Variants in MACROD2 observed in about 807,000 individuals in gnomAD.
MACROD2 encodes the protein mono-ADP ribosylhydrolase 2.
A neutral mutation model predicts 70.4 loss-of-function variants in MACROD2; 36 were observed. The observed-to-expected ratio is 0.51, with a 90% CI of 0.39 to 0.68. The LOEUF is 0.68. Ranked by LOEUF, MACROD2 falls within the 30% of genes least tolerant of loss-of-function variation. The pLI, the probability that MACROD2 is intolerant of heterozygous loss-of-function variation, is 0.00. For missense variants in MACROD2, 496 were observed against 538.4 expected (o/e 0.92, Z 0.78); for synonymous variants, 172 against 178.8 (o/e 0.96, Z 0.30).
At chr20:15,748,084 G>C (rs1376790957) in intron 8 of MACROD2, among the ~76,000 whole-genome samples, 2 of 151,950 alleles carry the variant, frequency 1.3e-5, no homozygotes, top group Admixed American at 1.3e-4. Context: ...TCTTTCTGCT[G>C]TCTGCCATGC....
chr20:14,486,059 C>T (rs1208161418), intron 3 of MACROD2, among the ~76,000 whole-genome samples: 1 of 152,040 alleles, frequency 6.6e-6, no homozygotes, highest in African/African-American at 2.4e-5. Context: ...CAGCGGGAAA[C>T]AGATGATGCA....
intron 5 of MACROD2, among the ~76,000 whole-genome samples, chr20:15,034,665 A>G (rs1371990918): frequency 6.6e-6 from 1 of 152,178 alleles, no homozygotes; most frequent in African/African-American, 2.4e-5. Flanking sequence ...TTTGCCCATG[A>G]TATATTTTGA....
rs148162399 is a variant in MACROD2 at position 14,123,775 on chromosome 20, C to T, written c.271+38047C>T. On this transcript the variant is annotated intron_variant, in intron 3 of 17. Coordinates refer to ENST00000684519, the MANE Select transcript of MACROD2 (RefSeq NM_001351661.2). ...TAGGCAAGGGAAGGAAGGGAGGAAT[C>T]AAGGAAGAATAGGAAATAGTGAAGA... Among the ~76,000 whole-genome samples the T allele has an allele frequency of 2.7e-3, 410 of 152,054 alleles. 2 individuals carry two copies. Among genetic ancestry groups the T allele is most frequent in the African/African-American group, 9.3e-3 (387 of 41,472 alleles).
chr20:15,061,529 C>T (rs1568554485), intron 5 of MACROD2, among the ~76,000 whole-genome samples: 1 of 152,154 alleles, frequency 6.6e-6, no homozygotes, highest in Non-Finnish European at 1.5e-5. Flanking sequence ...TTCCCACTCC[C>T]GTGCTGATAT....
At chr20:15,893,514 C>T (rs1384928905) in intron 10 of MACROD2, 3 of 359,382 alleles carry the variant, frequency 8.3e-6, no homozygotes, top group Non-Finnish European at 1.6e-5. Context: ...TGGGCAGGTC[C>T]CACTGGACTC....
chr20:15,688,690 C>T (rs941959552), intron 8 of MACROD2, among the ~76,000 whole-genome samples: 4 of 152,066 alleles, frequency 2.6e-5, no homozygotes, highest in Non-Finnish European at 4.4e-5. Context: ...ATACAATGTG[C>T]GTGAACTTTC....
intron 5 of MACROD2, among the ~76,000 whole-genome samples, chr20:14,771,644 T>TAC (rs745602537): frequency 0.06 from 8,463 of 141,500 alleles, 378 homozygotes; most frequent in Admixed American, 0.15. Context: ...TATCCAAAAA[T>TAC]ACACACACAC....
At chr20:15,699,285 C>G (rs906044068) in intron 8 of MACROD2, among the ~76,000 whole-genome samples, 2 of 152,124 alleles carry the variant, frequency 1.3e-5, no homozygotes, top group African/African-American at 4.8e-5. Context: ...TGATGTAGTA[C>G]TCTCCCTCTC....
intron 5 of MACROD2, among the ~76,000 whole-genome samples, chr20:15,218,954 G>A (rs964896329): frequency 3.3e-5 from 5 of 152,058 alleles, no homozygotes; most frequent in African/African-American, 1.2e-4. Flanking sequence ...GCTGAGGCAG[G>A]AGAATGGCAT....
chr20:15,982,301 A>C (rs1351974153), intron 13 of MACROD2, among the ~76,000 whole-genome samples: 3 of 152,164 alleles, frequency 2.0e-5, no homozygotes, highest in African/African-American at 7.2e-5. Flanking sequence ...AATAACTATA[A>C]AATAATAGGA....
At chr20:14,062,654 T>G (rs2148656551) in intron 2 of MACROD2, among the ~76,000 whole-genome samples, 1 of 152,260 alleles carries the variant, frequency 6.6e-6, no homozygotes, top group South Asian at 2.1e-4. Context: ...TTTTACTGTT[T>G]AACTTATGCC....
intron 5 of MACROD2, among the ~76,000 whole-genome samples, chr20:14,959,983 G>T (rs1316886296): frequency 6.6e-6 from 1 of 152,156 alleles, no homozygotes; most frequent in East Asian, 1.9e-4. Flanking sequence ...CTGTCTCATT[G>T]GTTTACTCAT....
chr20:15,521,444 G>T (rs2047652093), intron 8 of MACROD2, among the ~76,000 whole-genome samples: 1 of 152,186 alleles, frequency 6.6e-6, no homozygotes, highest in African/African-American at 2.4e-5. Context: ...CAATGAAGTT[G>T]TTTTAAGCTT....
intron 4 of MACROD2, among the ~76,000 whole-genome samples, chr20:14,601,139 G>A (rs1380992045): frequency 6.6e-6 from 1 of 152,136 alleles, no homozygotes; most frequent in Non-Finnish European, 1.5e-5. Flanking sequence ...AAGCACCAGG[G>A]CTGACTTATC....
chr20:15,883,121 A>G (rs1056735563), intron 9 of MACROD2, among the ~76,000 whole-genome samples: 2 of 152,054 alleles, frequency 1.3e-5, no homozygotes, highest in Admixed American at 6.6e-5. Context: ...AAAGCCTTGT[A>G]CACAATAGGC....
At chr20:15,786,045 G>A (rs1289374146) in intron 8 of MACROD2, among the ~76,000 whole-genome samples, 1 of 151,688 alleles carries the variant, frequency 6.6e-6, no homozygotes, top group Non-Finnish European at 1.5e-5. Flanking sequence ...CAAATAAAAA[G>A]TAATGGCATA....
chr20:14,923,678 C>T (rs2074191255), intron 5 of MACROD2, among the ~76,000 whole-genome samples: 1 of 151,864 alleles, frequency 6.6e-6, no homozygotes, highest in Non-Finnish European at 1.5e-5. Context: ...TGCATACTTA[C>T]TCCAGTGGTC....
intron 3 of MACROD2, among the ~76,000 whole-genome samples, chr20:14,096,860 C>T (rs1325039177): frequency 6.6e-6 from 1 of 152,166 alleles, no homozygotes; most frequent in East Asian, 1.9e-4. Context: ...TTGACATTTA[C>T]ACACAAACTT....
chr20:15,753,002 T>C lies in MACROD2; in HGVS notation c.646-109743T>C, dbSNP rs1478267753. On this transcript the variant is annotated intron_variant, in intron 8 of 17. Transcript: ENST00000684519. ...TATATGTATAGATTATACACATACA[T>C]ATATACTTTGTAAATGAGAAATTTA... 4.6e-5 allele frequency among the ~76,000 whole-genome samples: 7 copies of C among 152,342 alleles called. No individual in the cohort carries two copies. The East Asian group carries it at 1.3e-3, about 29-fold the overall frequency.
Sources: gnomAD v4.1 joint callset for allele counts (sites outside exome capture counted in the v4.1 genomes callset) on GRCh38, gnomAD v4.1.1 for gene constraint, MANE v1.5 for transcripts, NCBI Gene and HGNC (gene_info 2026-07-23, HGNC 2026-07-21) for gene names.